The following ADGRV1 variants were observed in gnomAD, a reference collection of about 807,000 sequenced individuals.
ADGRV1 encodes G-protein coupled receptor 98.
A neutral mutation model predicts 596.2 loss-of-function variants in ADGRV1; 359 were observed. The observed-to-expected ratio is 0.60, with a 90% CI of 0.55 to 0.66. The LOEUF (loss-of-function observed/expected upper bound fraction) is 0.66. ADGRV1 is among the 30% of genes least tolerant of loss of function. The pLI is 0.00. For missense variants in ADGRV1, 7,274 were observed against 7,575.6 expected, an observed-to-expected ratio of 0.96 and a Z score of 1.48; for synonymous variants, 2,681 against 2,679.2, an observed-to-expected ratio of 1.00 and a Z score of -0.02.
intron 21 of ADGRV1, among the ~76,000 whole-genome samples, chr5:90,668,591 G>A (rs1469611491): frequency 6.6e-6 from 1 of 151,400 alleles, no homozygotes; most frequent in Non-Finnish European, 1.5e-5. Context: ...CATGCTGGGA[G>A]CTGTAGACCA....
At chr5:90,998,800 A>G (rs1427022001) in intron 85 of ADGRV1, among the ~76,000 whole-genome samples, 1 of 152,160 alleles carries the variant, frequency 6.6e-6, no homozygotes, top group Non-Finnish European at 1.5e-5. Flanking sequence ...GGGAATTATA[A>G]GTTTTTAATG....
chr5:90,646,067 A>C lies in ADGRV1; in HGVS notation c.2998A>C (p.Asn1000His). The C allele has an allele frequency of 1.9e-6, 3 of 1,588,342 alleles. No individual in the cohort carries two copies. The highest frequency in any genetic ancestry group is 2.6e-6 in the Non-Finnish European group (3 of 1,166,310). ...RTTATLRIRR[N>H]DDPIYFAEPR... Reference sequence around the variant, plus strand: ...AACTGCAACTCTGAGGATTAGAAGAAATGATGACCCCATTTATTTTGCAGG... The same window carrying C: ...AACTGCAACTCTGAGGATTAGAAGACATGATGACCCCATTTATTTTGCAGG... Residue 1000 changes from asparagine (N) to histidine (H), a missense_variant, in exon 16 of 90, where the codon AAT (asparagine) becomes CAT (histidine). Physicochemically the swap from Asn to His is moderately conservative, Grantham distance 68. Around this residue, in one of 5 missense-constraint regions of ADGRV1, gnomAD observed 1,715 missense variants for 1,708.8 expected, o/e 1.00. Transcript: ENST00000405460.
chr5:91,072,617 C>G lies in ADGRV1; in HGVS notation c.18310+13C>G. On this transcript the variant is annotated intron_variant, in intron 86 of 89. Transcript: ENST00000405460. ...ACAAATGCTGCAGGTTTGAAAGGAA[C>G]TATATTTGTACTTTGGAGATGGAAA... 6.2e-7 allele frequency: 1 copy of G among 1,611,928 alleles called. No homozygotes were observed. The highest frequency in any genetic ancestry group is 1.1e-5 in the South Asian group (1 of 90,796).
intron 85 of ADGRV1, among the ~76,000 whole-genome samples, chr5:91,029,339 C>T (rs1784296052): frequency 6.6e-6 from 1 of 152,176 alleles, no homozygotes; most frequent in Non-Finnish European, 1.5e-5. Context: ...CTATTACTTT[C>T]ATGTCAAGGT....
At chr5:91,060,392 ATATATATTTT>A (rs1261304206) in intron 85 of ADGRV1, among the ~76,000 whole-genome samples, 931 of 19,902 alleles carry the variant, frequency 0.047, 8 homozygotes, top group Middle Eastern at 0.079. Flanking sequence ...ATATATATAT[ATATATATTTT>A]TTTTTTTAAT....
chr5:90,697,938 A>G (rs1226749734), intron 34 of ADGRV1, among the ~76,000 whole-genome samples: 1 of 152,210 alleles, frequency 6.6e-6, no homozygotes, highest in East Asian at 1.9e-4. Context: ...AATAGATGAG[A>G]AAACAAATTG....
intron 21 of ADGRV1, among the ~76,000 whole-genome samples, chr5:90,667,912 T>C (rs962551114): frequency 1.3e-5 from 2 of 152,008 alleles, no homozygotes; most frequent in Non-Finnish European, 1.5e-5. Flanking sequence ...GCCTCCCAGT[T>C]AGGCTGCTCG....
Position 90,569,984 on chromosome 5 carries a change from A to G in ADGRV1, c.22+11067A>G, listed in dbSNP as rs1310837274. Among the ~76,000 whole-genome samples, 7 of 152,136 alleles carry G rather than the reference A, an allele frequency of 4.6e-5. No individual in the cohort carries two copies. In the East Asian group the frequency reaches 1.2e-3, roughly 25 times the overall value. On this transcript the variant is annotated intron_variant, in intron 1 of 89. Transcript: ENST00000405460. ...AGAGAGGCTAAAAGTAGTTATAATA[A>G]AAGTACATTTATGCCATCTTTTATA...
chr5:90,952,844 T>C (rs1281070078), intron 83 of ADGRV1, among the ~76,000 whole-genome samples: 2 of 152,206 alleles, frequency 1.3e-5, no homozygotes, highest in Non-Finnish European at 2.9e-5. Flanking sequence ...TATTTGCTAC[T>C]GGATTGTCTG....
chr5:90,604,867 T>C (rs1172416586), intron 1 of ADGRV1, among the ~76,000 whole-genome samples: 2 of 152,194 alleles, frequency 1.3e-5, no homozygotes, highest in African/African-American at 4.8e-5. Context: ...TTTAGATTAG[T>C]GAGATTTTCA....
At chr5:90,946,719 GT>G (rs1776609791) in intron 83 of ADGRV1, among the ~76,000 whole-genome samples, 3 of 152,012 alleles carry the variant, frequency 2.0e-5, no homozygotes, top group Non-Finnish European at 2.9e-5. Context: ...GCGGTGTTTG[GT>G]TTTCTGTCCC....
intron 62 of ADGRV1, among the ~76,000 whole-genome samples, 177 bp downstream of exon 62, chr5:90,778,220 G>T (rs1490897721): frequency 2.0e-5 from 3 of 150,886 alleles, no homozygotes; most frequent in African/African-American, 4.9e-5. Flanking sequence ...GTGTGTGTGT[G>T]GTGTGTGTGT....
rs74979351 is a variant in ADGRV1, at chr5:91,008,988, A to G, written c.18152+23466A>G. On this transcript the variant is annotated intron_variant, in intron 85 of 89. Transcript: ENST00000405460. The stretch of plus-strand genomic sequence containing the variant: ...GATTCTAGAAAAAATTCATATTTGT[A>G]GTGGAGGAGGAACACTAATTCTGAC... Among the ~76,000 whole-genome samples the G allele has an allele frequency of 2.9e-3, 439 of 152,260 alleles. 2 individuals are homozygous for G. The highest frequency in any genetic ancestry group is 0.01 in the African/African-American group (416 of 41,572).
At chr5:90,618,278 A>G (rs1249395381) in intron 3 of ADGRV1, among the ~76,000 whole-genome samples, 1 of 152,194 alleles carries the variant, frequency 6.6e-6, no homozygotes, top group Non-Finnish European at 1.5e-5. Flanking sequence ...ACAAAGAATG[A>G]CTGTGACTTC....
rs1289946082 is a variant in ADGRV1 at position 90,765,071 on chromosome 5, T to C, written c.12285+1602T>C. ...CTTGGGGGTCAATCTCTGTGGACTC[T>C]TGCTGCTTCCCTTTTCTACACCCTG... On this transcript the variant is annotated intron_variant, in intron 59 of 89. Coordinates refer to ENST00000405460, the MANE Select transcript of ADGRV1 (RefSeq NM_032119.4). 2.0e-5 allele frequency among the ~76,000 whole-genome samples: 3 copies of C among 152,192 alleles called. No homozygotes were observed. The East Asian group carries it at 5.8e-4, about 29-fold the overall frequency.
chr5:91,051,012 T>C (rs1786271932), intron 85 of ADGRV1, among the ~76,000 whole-genome samples: 1 of 152,252 alleles, frequency 6.6e-6, no homozygotes, highest in Non-Finnish European at 1.5e-5. Context: ...CAATGCTCAA[T>C]AGTCAGGAAG....
At chr5:90,809,557 C>T (rs1581192738) in intron 73 of ADGRV1, among the ~76,000 whole-genome samples, 1 of 152,030 alleles carries the variant, frequency 6.6e-6, no homozygotes, top group East Asian at 1.9e-4. Flanking sequence ...AGTAATGGGA[C>T]CTGAAGAATC....
rs1561541553 is a variant in ADGRV1, at chr5:90,694,086, C to T, written c.7330C>T (p.Leu2444Phe). Residue 2444 changes from leucine to phenylalanine, a missense_variant, in exon 33 of 90, where the codon CTT becomes TTT. By Grantham distance (22) the Leu-to-Phe change is conservative. Transcript: ENST00000405460. The part of the protein sequence containing the change: ...EPLYTCATLC[L>F]KEQACSAFSF... Reference sequence around the variant, plus strand: ...CCTGTATACCTGTGCCACTTTGTGCCTTAAGGAACAAGCTTGCTCAGCGTT... The same window carrying T: ...CCTGTATACCTGTGCCACTTTGTGCTTTAAGGAACAAGCTTGCTCAGCGTT... 2 of 1,613,718 alleles carry T rather than the reference C, an allele frequency of 1.2e-6. No individual in the cohort carries two copies. Among genetic ancestry groups the T allele is most frequent in the African/African-American group, 1.3e-5 (1 of 74,926 alleles).
chr5:90,810,508 T>A lies in ADGRV1; in HGVS notation c.15248T>A (p.Leu5083His). Reference sequence around the variant, plus strand: ...GAAATAACCATTATTAATGATCAGCTTTCTGAGATAGAAGAATTTTTTTAC... The same window carrying A: ...GAAATAACCATTATTAATGATCAGCATTCTGAGATAGAAGAATTTTTTTAC... The part of the protein sequence containing the change: ...DFEITIINDQ[L>H]SEIEEFFYIN... Residue 5083 changes from leucine to histidine, a missense_variant, in exon 74 of 90, where the codon CTT (leucine) becomes CAT (histidine). Physicochemically the swap from Leu to His is moderately conservative, Grantham distance 99. This residue lies in a region of ADGRV1 where 1,874 missense variants were observed against 1,970.2 expected (regional missense o/e 0.95). Transcript: ENST00000405460. The A allele has an allele frequency of 6.2e-7, 1 of 1,613,954 alleles. No homozygotes were observed.
Sources: gnomAD v4.1 joint callset for allele counts (sites outside exome capture counted in the v4.1 genomes callset) on GRCh38, gnomAD v4.1.1 for gene constraint, gnomAD v4.1.1 regional missense constraint, MANE v1.5 for transcripts, NCBI Gene and HGNC (gene_info 2026-07-23, HGNC 2026-07-21) for gene names.